DNAAF9: variants seen among roughly 807,000 people sequenced by gnomAD.
DNAAF9 encodes the protein dynein axonemal assembly factor 9.
Under a neutral mutation model 167.0 loss-of-function variants are expected in DNAAF9, and 90 were observed. That is an observed-to-expected ratio of 0.54 (90% CI 0.45 to 0.64). The LOEUF (loss-of-function observed/expected upper bound fraction) is 0.64, where lower values mean the gene tolerates loss of function less well. Ranked by LOEUF, DNAAF9 falls within the 30% of genes least tolerant of loss-of-function variation. DNAAF9 has a pLI of 0.00. For missense variants in DNAAF9, 1,315 were observed against 1,442.2 expected (o/e 0.91, Z 1.43); for synonymous variants, 491 against 508.8 (o/e 0.96, Z 0.47).
chr20:3,380,227 G>A (rs913316659), intron 3 of DNAAF9, among the ~76,000 whole-genome samples: 1 of 152,084 alleles, frequency 6.6e-6, no homozygotes, highest in Admixed American at 6.6e-5. Flanking sequence ...GTTGTATAGC[G>A]TAAGGAAAAA....
intron 12 of DNAAF9, among the ~76,000 whole-genome samples, chr20:3,329,411 G>A (rs779050191): frequency 1.5e-4 from 23 of 152,070 alleles, no homozygotes; most frequent in African/African-American, 2.7e-4. Flanking sequence ...TGCCTGCCTC[G>A]GCCCCCCAGA....
intron 33 of DNAAF9, among the ~76,000 whole-genome samples, chr20:3,258,177 A>T (rs1442276444): frequency 2.0e-5 from 3 of 151,280 alleles, no homozygotes; most frequent in Non-Finnish European, 3.0e-5. Flanking sequence ...AAAAAGAAAT[A>T]AAAAAAAAGA....
intron 20 of DNAAF9, chr20:3,307,009 C>A: frequency 1.0e-6 from 1 of 985,398 alleles, no homozygotes; most frequent in South Asian, 4.7e-5. Flanking sequence ...TTGAAGTGAA[C>A]CTTTTTAGAA....
intron 20 of DNAAF9, chr20:3,306,785 C>T (rs79887780): frequency 0.019 from 7,456 of 396,394 alleles, 82 homozygotes; most frequent in Middle Eastern, 0.037. Context: ...CTGCTGTCTC[C>T]CCACTCCTTC....
intron 5 of DNAAF9, 72 bp from the exon 6 acceptor site, chr20:3,374,226 TG>T: frequency 3.0e-6 from 3 of 989,006 alleles, no homozygotes; most frequent in Non-Finnish European, 4.7e-6. Flanking sequence ...TGACCTAACA[TG>T]GTTAGACAGG....
chr20:3,253,785 T>G lies in DNAAF9; in HGVS notation c.3362A>C (p.Tyr1121Ser), dbSNP rs762367716. 1.2e-6 allele frequency: 2 copies of G among 1,612,432 alleles called. No homozygotes were observed. The highest frequency in any genetic ancestry group is 1.7e-6 in the Non-Finnish European group (2 of 1,178,538). ...KRHLEPLPAG[Y>S]FYNGTQFVNF... Reference sequence around the variant, plus strand: ...AACAAATTGGGTGCCATTATAAAAGTAGCCTGCAGGTAGGGGTTCCAAGTG... The same window carrying G: ...AACAAATTGGGTGCCATTATAAAAGGAGCCTGCAGGTAGGGGTTCCAAGTG... The change falls in exon 36 of 37, where the codon TAC (tyrosine) becomes TCC (serine). Residue 1121 changes from tyrosine to serine, a missense_variant. This residue lies in a region of DNAAF9 where 334 missense variants were observed against 429.7 expected (regional missense o/e 0.78). Transcript: ENST00000252032.
intron 20 of DNAAF9, 145 bp downstream of exon 20, chr20:3,314,888 G>A (rs2069475897): frequency 3.4e-6 from 2 of 590,232 alleles, no homozygotes; most frequent in Non-Finnish European, 6.1e-6. Flanking sequence ...AAAGTGGGTG[G>A]GTCGAGAGAA....
intron 23 of DNAAF9, chr20:3,295,639 G>A (rs534719771): frequency 8.3e-6 from 4 of 480,906 alleles, no homozygotes; most frequent in African/African-American, 3.9e-5. Context: ...AGGATGGGAG[G>A]TGGGGCTACC....
At chr20:3,340,433 T>TCCGGGGGGGGGGCCCCCCCCCCCCCC in intron 10 of DNAAF9, 71 bp downstream of exon 10, 3 of 221,214 alleles carry the variant, frequency 1.4e-5, no homozygotes, top group Non-Finnish European at 2.9e-5. Context: ...TTTGTCTAGC[T>TCCGGGGGGGGGGCCCCCCCCCCCCCC]CCCCCCACCC....
At chr20:3,320,176 G>A (rs140287923) in intron 16 of DNAAF9, among the ~76,000 whole-genome samples, 1 of 152,188 alleles carries the variant, frequency 6.6e-6, no homozygotes, top group Admixed American at 6.5e-5. Flanking sequence ...ATAATGTATA[G>A]CTGGAGAAAC....
Position 3,375,096 on chromosome 20 carries a change from T to TA in DNAAF9, c.438dup (p.Lys147Ter). ...ACCATGTCCACAAAGCTGGTAATTTTAAATTCTTCTGCGGCTTCTTCATCT... is the reference window on the plus strand; with the variant it reads ...ACCATGTCCACAAAGCTGGTAATTTTAAAATTCTTCTGCGGCTTCTTCATCT... On this transcript the variant is annotated frameshift_variant, in exon 5 of 37. Transcript: ENST00000252032. LOFTEE classifies it high-confidence loss of function. The TA allele has an allele frequency of 6.2e-7, 1 of 1,611,362 alleles. No homozygotes were observed. The highest frequency in any genetic ancestry group is 8.5e-7 in the Non-Finnish European group (1 of 1,177,526).
chr20:3,349,205 A>AAAAAAAAAAAAAAAAAAAAAC (rs2070261303), intron 7 of DNAAF9, among the ~76,000 whole-genome samples: 2 of 59,188 alleles, frequency 3.4e-5, no homozygotes, highest in African/African-American at 1.5e-4. Flanking sequence ...AAAAAAAAAC[A>AAAAAAAAAAAAAAAAAAAAAC]AAAAAAAAAA....
chr20:3,352,908 AT>A (rs2070353607), intron 7 of DNAAF9, among the ~76,000 whole-genome samples: 2 of 148,346 alleles, frequency 1.3e-5, no homozygotes, highest in Non-Finnish European at 3.0e-5. Context: ...TAAATTCCAT[AT>A]GAAATAATTC....
chr20:3,329,814 A>C (rs902688168), intron 12 of DNAAF9, among the ~76,000 whole-genome samples: 4 of 152,228 alleles, frequency 2.6e-5, no homozygotes, highest in African/African-American at 7.2e-5. Flanking sequence ...TCTGGAATTT[A>C]ATAGTTTCAG....
At chr20:3,373,800 G>C (rs533132825) in intron 6 of DNAAF9, among the ~76,000 whole-genome samples, 62 of 152,288 alleles carry the variant, frequency 4.1e-4, no homozygotes, top group African/African-American at 1.5e-3. Flanking sequence ...AGGAAGAACA[G>C]TCAGCTGAGA....
intron 29 of DNAAF9, among the ~76,000 whole-genome samples, chr20:3,271,687 T>C (rs1015173329): frequency 3.3e-5 from 5 of 151,654 alleles, no homozygotes; most frequent in African/African-American, 1.2e-4. Context: ...AATGTTGCAA[T>C]CTCAGCTCAC....
chr20:3,341,600 T>G (rs909477385), intron 9 of DNAAF9, among the ~76,000 whole-genome samples: 5 of 152,226 alleles, frequency 3.3e-5, no homozygotes, highest in Middle Eastern at 6.8e-3. Context: ...CGCCTTCAAA[T>G]CTAATTAACC....
Position 3,270,512 on chromosome 20 carries a change from G to A in DNAAF9, c.2701C>T (p.Pro901Ser), listed in dbSNP as rs1304955352. The A allele has an allele frequency of 6.2e-7, 1 of 1,612,864 alleles. No homozygotes were observed. The highest frequency in any genetic ancestry group is 1.7e-5 in the Admixed American group (1 of 59,984). Residue 901 changes from proline (P) to serine (S), a missense_variant, in exon 30 of 37, where the codon CCT becomes TCT. This residue lies in a region of DNAAF9 where 334 missense variants were observed against 429.7 expected (regional missense o/e 0.78). Coordinates refer to ENST00000252032, the MANE Select transcript of DNAAF9 (RefSeq NM_001009984.3). ...AGGCTCTGCAGCTGAACAAGGAGAG[G>A]GTGCCGCTGCTCCGTGGTGTGACTG... Reference protein sequence around the residue: ...FTSHTTEQRHPLLVQLQSLIR... With the variant: ...FTSHTTEQRHSLLVQLQSLIR...
intron 1 of DNAAF9, among the ~76,000 whole-genome samples, chr20:3,400,478 A>G (rs1024360669): frequency 2.6e-5 from 4 of 152,174 alleles, no homozygotes; most frequent in Non-Finnish European, 4.4e-5. Flanking sequence ...AACACTCTGC[A>G]CCACTTTAGA....
Sources: gnomAD v4.1 joint callset for allele counts (sites outside exome capture counted in the v4.1 genomes callset) on GRCh38, gnomAD v4.1.1 for gene constraint, gnomAD v4.1.1 regional missense constraint, MANE v1.5 for transcripts, NCBI Gene and HGNC (gene_info 2026-07-23, HGNC 2026-07-21) for gene names.